The following DPYSL5 variants were observed in gnomAD, a reference collection of about 807,000 sequenced individuals.
The protein encoded by DPYSL5 is dihydropyrimidinase-related protein 5.
A neutral mutation model predicts 58.4 loss-of-function variants in DPYSL5; 9 were observed. The observed-to-expected ratio is 0.15, with a 90% CI of 0.09 to 0.27. DPYSL5 has a LOEUF of 0.27. DPYSL5 is among the 10% of genes least tolerant of loss of function. The pLI is 1.00. For synonymous variants in DPYSL5, 293 were observed against 301.9 expected, an observed-to-expected ratio of 0.97 and a Z score of 0.31; for missense variants, 499 against 770.6, an observed-to-expected ratio of 0.65 and a Z score of 4.17.
At chr2:26,930,603 G>C (rs1664945654) in intron 5 of DPYSL5, among the ~76,000 whole-genome samples, 1 of 152,096 alleles carries the variant, frequency 6.6e-6, no homozygotes, top group African/African-American at 2.4e-5. Flanking sequence ...CAGGAGGATT[G>C]CTTGAGCCCA....
intron 1 of DPYSL5, among the ~76,000 whole-genome samples, chr2:26,873,429 T>C (rs938093470): frequency 3.3e-5 from 5 of 152,226 alleles, no homozygotes; most frequent in Middle Eastern, 3.4e-3. Context: ...AGGCGACATA[T>C]AGCAATGTCT....
chr2:26,864,990 C>T (rs1293681974), intron 1 of DPYSL5, among the ~76,000 whole-genome samples: 6 of 152,194 alleles, frequency 3.9e-5, no homozygotes, highest in South Asian at 2.1e-4. Flanking sequence ...CAGACCCCCT[C>T]GTTGCCCTGA....
intron 1 of DPYSL5, among the ~76,000 whole-genome samples, chr2:26,863,638 C>T (rs1334480318): frequency 6.6e-6 from 1 of 152,144 alleles, no homozygotes; most frequent in African/African-American, 2.4e-5. Context: ...GTTGTGTAGT[C>T]ATCACCATAG....
chr2:26,883,853 C>G (rs778154522), intron 1 of DPYSL5, among the ~76,000 whole-genome samples: 2 of 152,190 alleles, frequency 1.3e-5, no homozygotes, highest in East Asian at 3.8e-4. Flanking sequence ...TAGGTTTCAT[C>G]AGGTAGCCCG....
chr2:26,931,199 G>GTATATATATATATATATATATATATA (rs1287075956), intron 5 of DPYSL5, among the ~76,000 whole-genome samples: 2 of 52,878 alleles, frequency 3.8e-5, no homozygotes, highest in African/African-American at 1.2e-4. Flanking sequence ...GTGTGTGTGT[G>GTATATATATATATATATATATATATA]TGTGTATATA....
chr2:26,907,884 G>C (rs1195479270), intron 2 of DPYSL5, among the ~76,000 whole-genome samples: 1 of 152,162 alleles, frequency 6.6e-6, no homozygotes, highest in African/African-American at 2.4e-5. Flanking sequence ...CTTGTGACTA[G>C]CCACAGAGCC....
Position 26,924,988 on chromosome 2 carries a change from C to T in DPYSL5, c.363C>T (p.Asp121=). Reference sequence around the variant, plus strand: ...ATGAGAAGTGCCGAGGTCTGGCCGACCCCAAGGTCTGCTGTGATTACGCCC... The same window carrying T: ...ATGAGAAGTGCCGAGGTCTGGCCGATCCCAAGGTCTGCTGTGATTACGCCC... The part of the protein sequence containing the change: ...DAYEKCRGLA[D]PKVCCDYALH... Residue 121 remains aspartate, a synonymous_variant, in exon 3 of 13, where the codon GAC becomes GAT. Coordinates refer to ENST00000288699, the MANE Select transcript of DPYSL5 (RefSeq NM_020134.4). This position sits in a 1 kb window ranked among gnomAD's most constrained non-coding sequence, Gnocchi z 4.7. 1.2e-6 allele frequency: 2 copies of T among 1,614,192 alleles called. No homozygotes were observed. Among genetic ancestry groups the T allele is most frequent in the East Asian group, 2.2e-5 (1 of 44,874 alleles).
intron 9 of DPYSL5, among the ~76,000 whole-genome samples, 176 bp downstream of exon 9, chr2:26,940,348 C>T (rs1464106787): frequency 6.6e-6 from 1 of 151,942 alleles, no homozygotes; most frequent in Non-Finnish European, 1.5e-5. Flanking sequence ...AAGGTCTTTC[C>T]CCCAATTAGA....
intron 2 of DPYSL5, among the ~76,000 whole-genome samples, chr2:26,915,189 C>T (rs967549141): frequency 9.9e-5 from 15 of 152,274 alleles, no homozygotes; most frequent in African/African-American, 2.6e-4. Flanking sequence ...TAACCTAACA[C>T]GCTCCGTGTC....
In DPYSL5 at chr2:26,905,341, A is replaced by T. The variant is rs555066115; in HGVS notation, c.261+6581A>T. On this transcript the variant is annotated intron_variant, in intron 2 of 12. Coordinates refer to ENST00000288699, the MANE Select transcript of DPYSL5 (RefSeq NM_020134.4). This position sits in a 1 kb window ranked among gnomAD's most constrained non-coding sequence, Gnocchi z 4.0. The stretch of plus-strand genomic sequence containing the variant: ...TCACATAGTCCCTGTCACAGAATAC[A>T]TATACAATAAATGCTAGTCCCCAGG... Among the ~76,000 whole-genome samples the T allele has an allele frequency of 2.0e-5, 3 of 152,216 alleles. No homozygotes were observed. The highest frequency in any genetic ancestry group is 4.4e-5 in the Non-Finnish European group (3 of 68,038).
At chr2:26,943,983 G>T (rs558922867) in intron 11 of DPYSL5, among the ~76,000 whole-genome samples, 1 of 148,914 alleles carries the variant, frequency 6.7e-6, no homozygotes, top group South Asian at 2.1e-4. Context: ...GCGCTGTGTG[G>T]GAGGGCGCTC....
chr2:26,932,181 A>C (rs145993147), intron 6 of DPYSL5, among the ~76,000 whole-genome samples: 3,655 of 74,800 alleles, frequency 0.049, 118 homozygotes, highest in South Asian at 0.098. Context: ...GAAAGAAAGA[A>C]AGAAAGAAAG....
chr2:26,940,395 C>G (rs1004591719), intron 9 of DPYSL5, among the ~76,000 whole-genome samples: 1 of 147,532 alleles, frequency 6.8e-6, no homozygotes, highest in African/African-American at 2.5e-5. Flanking sequence ...TTGGAAAATA[C>G]AGAAAAGTAT....
chr2:26,872,413 C>T (rs2148118004), intron 1 of DPYSL5, among the ~76,000 whole-genome samples: 1 of 152,240 alleles, frequency 6.6e-6, no homozygotes, highest in Non-Finnish European at 1.5e-5. Flanking sequence ...GTTAATGGGC[C>T]AGGCGCGGTG....
At chr2:26,894,682 T>G (rs1663968641) in intron 1 of DPYSL5, among the ~76,000 whole-genome samples, 1 of 152,220 alleles carries the variant, frequency 6.6e-6, no homozygotes, top group African/African-American at 2.4e-5. Flanking sequence ...CTGAAAAATA[T>G]TAGTCCTAAA....
At chr2:26,914,365 T>G (rs1664512303) in intron 2 of DPYSL5, among the ~76,000 whole-genome samples, 1 of 152,254 alleles carries the variant, frequency 6.6e-6, no homozygotes, top group African/African-American at 2.4e-5. Flanking sequence ...GCCCCCTTGC[T>G]GCTTTGAAGC....
At chr2:26,937,581 GA>G (rs1023318035) in intron 8 of DPYSL5, among the ~76,000 whole-genome samples, 2 of 151,032 alleles carry the variant, frequency 1.3e-5, no homozygotes, top group African/African-American at 4.9e-5. Context: ...GGCCCTGCAG[GA>G]ATAAAAAAGT....
rs903106498 is a variant in DPYSL5 at position 26,946,979 on chromosome 2, C to T, written c.1679C>T (p.Ser560Leu). ...ARILAPPGGRSSGIW is the reference protein window; with the variant it reads ...ARILAPPGGRLSGIW ...ATCCTCGCTCCTCCCGGAGGCAGGT[C>T]GAGTGGCATTTGGTAAAGGCATTGC... Residue 560 changes from serine (S) to leucine (L), a missense_variant, in exon 13 of 13, where the codon TCG (serine) becomes TTG (leucine). Transcript: ENST00000288699. 1 of 1,613,410 alleles carries T rather than the reference C, an allele frequency of 6.2e-7. No individual in the cohort carries two copies. The highest frequency in any genetic ancestry group is 2.2e-5 in the East Asian group (1 of 44,864).
chr2:26,914,592 T>C (rs993902362), intron 2 of DPYSL5, among the ~76,000 whole-genome samples: 1 of 152,166 alleles, frequency 6.6e-6, no homozygotes, highest in Non-Finnish European at 1.5e-5. Flanking sequence ...TGTTCTTTAT[T>C]GATGAGGCTG....
Sources: allele counts gnomAD v4.1 joint callset (sites outside exome capture counted in the v4.1 genomes callset), GRCh38; gene constraint gnomAD v4.1.1; non-coding constraint Gnocchi (gnomAD v3.1); transcripts MANE v1.5; gene names NCBI Gene and HGNC (gene_info 2026-07-23, HGNC 2026-07-21).